INPP4B: variants seen among roughly 807,000 people sequenced by gnomAD.
The protein encoded by INPP4B is inositol polyphosphate 4-phosphatase type II.
Under a neutral mutation model 122.5 loss-of-function variants are expected in INPP4B, and 55 were observed. The ratio of observed to expected loss-of-function variants is 0.45; its 90% CI spans 0.36 to 0.56. INPP4B has a LOEUF of 0.56. Ranked by LOEUF, INPP4B falls within the 20% of genes least tolerant of loss-of-function variation. INPP4B has a pLI of 0.00. For synonymous variants in INPP4B, 403 were observed against 388.7 expected (o/e 1.04, Z -0.43); for missense variants, 1,000 against 1,097.7 (o/e 0.91, Z 1.26).
chr4:142,032,512 A>G (rs1012545216), intron 25 of INPP4B, among the ~76,000 whole-genome samples: 3 of 152,232 alleles, frequency 2.0e-5, no homozygotes, highest in Admixed American at 2.0e-4. Flanking sequence ...AGCAGAGGAC[A>G]AAAGTATGAG....
At position 142,363,207 on chromosome 4, in the gene INPP4B, T is replaced by G. The variant is rs1387687075; in HGVS notation, c.372+39731A>C. Reference sequence around the variant, plus strand: ...ACATACGCACATATGTGTGCATACATGACAAGTTTTCAAATTATTTAAAAA... The same window carrying G: ...ACATACGCACATATGTGTGCATACAGGACAAGTTTTCAAATTATTTAAAAA... On this transcript the variant is annotated intron_variant, in intron 7 of 25. Coordinates refer to ENST00000262992, the MANE Select transcript of INPP4B (RefSeq NM_001101669.3). Among the ~76,000 whole-genome samples, 4 of 151,992 alleles carry G rather than the reference T, an allele frequency of 2.6e-5. No homozygotes were observed. The South Asian group carries it at 8.3e-4, about 31-fold the overall frequency.
intron 7 of INPP4B, among the ~76,000 whole-genome samples, chr4:142,398,957 T>TG (rs773990652): frequency 6.6e-6 from 1 of 151,972 alleles, no homozygotes; most frequent in Non-Finnish European, 1.5e-5. Context: ...AAAAGAGGGG[T>TG]GTCAATGTAT....
At chr4:142,169,011 T>G (rs1221185785) in intron 16 of INPP4B, among the ~76,000 whole-genome samples, 1 of 151,686 alleles carries the variant, frequency 6.6e-6, no homozygotes, top group Non-Finnish European at 1.5e-5. Context: ...ATGTCTACAT[T>G]TTGTCCACTT....
chr4:142,567,348 GA>G (rs911995090), intron 2 of INPP4B, among the ~76,000 whole-genome samples: 7 of 152,130 alleles, frequency 4.6e-5, no homozygotes, highest in Non-Finnish European at 7.4e-5. Flanking sequence ...GCCCTGACAG[GA>G]AAGGAGGGGC....
intron 1 of INPP4B, among the ~76,000 whole-genome samples, chr4:142,739,727 T>C (rs898098015): frequency 6.6e-6 from 1 of 151,940 alleles, no homozygotes; most frequent in Non-Finnish European, 1.5e-5. Context: ...AATAACTCAT[T>C]AGGTCATTGG....
At position 142,147,570 on chromosome 4, in the gene INPP4B, C is replaced by A. The variant is rs1016652178; in HGVS notation, c.1564-1574G>T. ...ATGATAATTCTTGCTCTAACTACCT[C>A]ACCAAGCTGCAATGGGAGCCAAATG... On this transcript the variant is annotated intron_variant, in intron 17 of 25. Transcript: ENST00000262992. 9.8e-5 allele frequency among the ~76,000 whole-genome samples: 15 copies of A among 152,292 alleles called. No individual in the cohort carries two copies. In the South Asian group the frequency reaches 3.1e-3, roughly 32 times the overall value.
chr4:142,583,262 A>G (rs1427976925), intron 2 of INPP4B, among the ~76,000 whole-genome samples: 1 of 152,110 alleles, frequency 6.6e-6, no homozygotes, highest in Non-Finnish European at 1.5e-5. Flanking sequence ...ACCCAAGAAA[A>G]TAGTCCCTGT....
intron 7 of INPP4B, among the ~76,000 whole-genome samples, chr4:142,356,266 AGAG>A (rs1783576295): frequency 6.8e-6 from 1 of 147,896 alleles, no homozygotes; most frequent in South Asian, 2.3e-4. Context: ...TAAAAGGGAG[AGAG>A]GAGAGCAGTG....
chr4:142,694,296 C>T (rs1177603072), intron 2 of INPP4B, among the ~76,000 whole-genome samples: 1 of 151,168 alleles, frequency 6.6e-6, no homozygotes, highest in African/African-American at 2.4e-5. Context: ...TAGCTTGAAC[C>T]CAGGAAACAG....
chr4:142,033,897 G>A (rs1385866207), intron 25 of INPP4B, among the ~76,000 whole-genome samples: 2 of 151,832 alleles, frequency 1.3e-5, no homozygotes, highest in Non-Finnish European at 2.9e-5. Flanking sequence ...GAACTCCTAG[G>A]CTCAAGCAAT....
chr4:142,060,889 C>A (rs1377166342), intron 25 of INPP4B, among the ~76,000 whole-genome samples: 1 of 152,088 alleles, frequency 6.6e-6, no homozygotes, highest in Non-Finnish European at 1.5e-5. Context: ...ACTCTGTGTT[C>A]TTCATATTAA....
At chr4:142,524,342 T>G (rs1172069639) in intron 2 of INPP4B, among the ~76,000 whole-genome samples, 1 of 152,010 alleles carries the variant, frequency 6.6e-6, no homozygotes, top group East Asian at 1.9e-4. Context: ...TTTTAATGAT[T>G]GCCATTCTAA....
intron 2 of INPP4B, among the ~76,000 whole-genome samples, chr4:142,507,827 A>G (rs991250661): frequency 5.3e-5 from 8 of 152,146 alleles, no homozygotes; most frequent in South Asian, 2.1e-4. Flanking sequence ...CTGAGAGTAC[A>G]TGATGATTCC....
chr4:142,375,620 C>G (rs1409383469), intron 7 of INPP4B, among the ~76,000 whole-genome samples: 1 of 151,900 alleles, frequency 6.6e-6, no homozygotes, highest in Non-Finnish European at 1.5e-5. Flanking sequence ...AGAAAAAAGT[C>G]TAAGAGAGGT....
chr4:142,457,914 T>C (rs992084558), intron 3 of INPP4B, among the ~76,000 whole-genome samples: 1 of 152,162 alleles, frequency 6.6e-6, no homozygotes, highest in Non-Finnish European at 1.5e-5. Flanking sequence ...TAGTTTCTTA[T>C]AAAATTAAAT....
chr4:142,201,945 G>C (rs1380797173), intron 14 of INPP4B, among the ~76,000 whole-genome samples: 1 of 151,902 alleles, frequency 6.6e-6, no homozygotes, highest in South Asian at 2.1e-4. Flanking sequence ...AAAGTCTTCA[G>C]ATTTTTGTTA....
intron 25 of INPP4B, among the ~76,000 whole-genome samples, chr4:142,042,007 T>TAAAC (rs1747915883): frequency 6.6e-6 from 1 of 152,146 alleles, no homozygotes; most frequent in South Asian, 2.1e-4. Flanking sequence ...ACATCTGTAT[T>TAAAC]AAACACCTCA....
intron 15 of INPP4B, among the ~76,000 whole-genome samples, chr4:142,192,354 ATGGGATTCTT>A (rs1836334355): frequency 7.8e-3 from 569 of 72,958 alleles, no homozygotes; most frequent in Middle Eastern, 0.03. Flanking sequence ...AAAAAAAAAA[ATGGGATTCTT>A]AAGAAGAATA....
chr4:142,116,394 T>C (rs1410791734), intron 21 of INPP4B, among the ~76,000 whole-genome samples: 4 of 152,110 alleles, frequency 2.6e-5, no homozygotes, highest in Admixed American at 6.6e-5. Context: ...TATTCCAAAA[T>C]TGACCACATA....
Sources: allele counts gnomAD v4.1 joint callset (sites outside exome capture counted in the v4.1 genomes callset), GRCh38; gene constraint gnomAD v4.1.1; transcripts MANE v1.5; gene names NCBI Gene and HGNC (gene_info 2026-07-23, HGNC 2026-07-21).